Variants in NAV3 observed in about 807,000 individuals in gnomAD.
NAV3 encodes pore membrane and/or filament interacting like protein 1.
A neutral mutation model predicts 244.7 loss-of-function variants in NAV3; 87 were observed. The observed-to-expected ratio is 0.36, with a 90% CI of 0.30 to 0.42. NAV3 has a LOEUF of 0.42. Among genes scored for constraint, NAV3 ranks in the 20% least tolerant of loss-of-function variants. NAV3 has a pLI of 1.00. For missense variants in NAV3, 2,663 were observed against 2,893.3 expected (o/e 0.92, Z 1.83); for synonymous variants, 1,126 against 1,042.2 (o/e 1.08, Z -1.55).
intron 2 of NAV3, among the ~76,000 whole-genome samples, chr12:77,825,037 G>T (rs1190672601): frequency 6.6e-6 from 1 of 152,180 alleles, no homozygotes; most frequent in Non-Finnish European, 1.5e-5. Flanking sequence ...GGACTTCTTA[G>T]AAACTATGCA....
intron 9 of NAV3, chr12:78,037,300 T>C: frequency 1.4e-6 from 1 of 702,968 alleles, no homozygotes; most frequent in Non-Finnish European, 2.6e-6. Flanking sequence ...GAAAGCTGTT[T>C]GCGGGAAGGG....
chr12:77,954,598 ACT>A (rs1891195489), intron 3 of NAV3, among the ~76,000 whole-genome samples: 1 of 152,150 alleles, frequency 6.6e-6, no homozygotes, highest in African/African-American at 2.4e-5. Flanking sequence ...CTTGCTTATG[ACT>A]CTGTGTAAAC....
chr12:77,696,247 G>T (rs1483121549), intron 2 of NAV3, among the ~76,000 whole-genome samples: 1 of 152,156 alleles, frequency 6.6e-6, no homozygotes, highest in Admixed American at 6.6e-5. Context: ...TATGGCAAAG[G>T]GGACAGTATG....
At chr12:77,860,895 A>G (rs1879162501) in intron 1 of NAV3, among the ~76,000 whole-genome samples, 1 of 151,932 alleles carries the variant, frequency 6.6e-6, no homozygotes, top group Admixed American at 6.6e-5. Flanking sequence ...TATCCTTCAT[A>G]GAGTGGGCAG....
At chr12:77,703,016 T>A (rs889685139) in intron 2 of NAV3, among the ~76,000 whole-genome samples, 8 of 152,046 alleles carry the variant, frequency 5.3e-5, no homozygotes, top group South Asian at 2.1e-4. Flanking sequence ...TTTATTTTTT[T>A]AAATAATTTT....
intron 2 of NAV3, among the ~76,000 whole-genome samples, chr12:77,682,222 T>C (rs561290663): frequency 5.9e-5 from 9 of 152,318 alleles, no homozygotes; most frequent in South Asian, 2.1e-4. Flanking sequence ...TCAACTCTTT[T>C]AGATTCTACA....
At chr12:77,730,528 T>G (rs1264168607) in intron 2 of NAV3, among the ~76,000 whole-genome samples, 1 of 151,964 alleles carries the variant, frequency 6.6e-6, no homozygotes, top group Non-Finnish European at 1.5e-5. Context: ...GTATTCTAAT[T>G]TATATATCCA....
intron 12 of NAV3, chr12:78,091,500 A>T (rs1953929639): frequency 6.6e-6 from 1 of 152,238 alleles, no homozygotes. Context: ...ATCAGAGTCC[A>T]TAAAATTCAC....
At chr12:77,849,738 A>G (rs1423469578) in intron 1 of NAV3, among the ~76,000 whole-genome samples, 1 of 152,148 alleles carries the variant, frequency 6.6e-6, no homozygotes, top group Non-Finnish European at 1.5e-5. Flanking sequence ...GAAATGCTCA[A>G]TCTATATATC....
rs1425743752 is a variant in NAV3, at chr12:77,844,338, A to G, written c.243+12634A>G. 2.6e-5 allele frequency among the ~76,000 whole-genome samples: 4 copies of G among 152,126 alleles called. No homozygotes were observed. In the East Asian group the frequency reaches 5.8e-4, roughly 22 times the overall value. On this transcript the variant is annotated intron_variant, in intron 1 of 39. Transcript: ENST00000397909. The stretch of plus-strand genomic sequence containing the variant: ...TTTTATAGGGGCCTTATTCCCATCT[A>G]TGAGGGCTCCATCCTCATGACTTAA...
At chr12:77,922,806 A>G (rs2137194321) in intron 1 of NAV3, among the ~76,000 whole-genome samples, 1 of 152,280 alleles carries the variant, frequency 6.6e-6, no homozygotes, top group Non-Finnish European at 1.5e-5. Flanking sequence ...TTAGAATACC[A>G]ATGAGGTAAT....
intron 12 of NAV3, among the ~76,000 whole-genome samples, chr12:78,096,846 T>C (rs1378181743): frequency 6.6e-6 from 1 of 152,174 alleles, no homozygotes; most frequent in Admixed American, 6.5e-5. Context: ...TCTGAGCCTT[T>C]CCAGTTACTG....
intron 38 of NAV3, among the ~76,000 whole-genome samples, chr12:78,203,064 T>G (rs1387019729): frequency 6.6e-6 from 1 of 152,068 alleles, no homozygotes; most frequent in Non-Finnish European, 1.5e-5. Flanking sequence ...TTGGAAAAAA[T>G]GTTGGTGATA....
intron 1 of NAV3, among the ~76,000 whole-genome samples, chr12:77,870,420 G>A (rs1334765830): frequency 2.0e-5 from 3 of 149,942 alleles, no homozygotes; most frequent in Admixed American, 6.7e-5. Context: ...AAAATTTCAA[G>A]CAAGAATATA....
At position 78,050,754 on chromosome 12, in the gene NAV3, T is replaced by C. The variant is rs767776699; in HGVS notation, c.2133-10T>C. The C allele has an allele frequency of 5.7e-6, 9 of 1,575,180 alleles. No homozygotes were observed. In the East Asian group the frequency reaches 2.0e-4, roughly 36 times the overall value. On this transcript the variant is annotated splice_polypyrimidine_tract_variant and intron_variant, in intron 10 of 39. Coordinates refer to ENST00000397909, the MANE Select transcript of NAV3 (RefSeq NM_001024383.2). Reference sequence around the variant, plus strand: ...CCAGAGTATAGTTATTTCTCCATTTTATTTGACAGCACCCTGGAGACAACA... The same window carrying C: ...CCAGAGTATAGTTATTTCTCCATTTCATTTGACAGCACCCTGGAGACAACA...
At chr12:78,041,658 G>A (rs1352651190) in intron 9 of NAV3, among the ~76,000 whole-genome samples, 1 of 152,296 alleles carries the variant, frequency 6.6e-6, no homozygotes, top group East Asian at 1.9e-4. Context: ...GGCAGAGGCA[G>A]ATGGCCTTGT....
At chr12:77,693,029 G>A (rs1875109058) in intron 2 of NAV3, among the ~76,000 whole-genome samples, 1 of 152,072 alleles carries the variant, frequency 6.6e-6, no homozygotes, top group African/African-American at 2.4e-5. Flanking sequence ...TCCTATTAGG[G>A]AAGCAGCGTG....
At chr12:77,667,551 C>T (rs936422201) in intron 2 of NAV3, among the ~76,000 whole-genome samples, 1 of 152,088 alleles carries the variant, frequency 6.6e-6, no homozygotes, top group African/African-American at 2.4e-5. Context: ...AACATAAGTC[C>T]ATTGGCTTGG....
At chr12:77,879,973 A>T (rs1387356070) in intron 1 of NAV3, among the ~76,000 whole-genome samples, 1 of 152,138 alleles carries the variant, frequency 6.6e-6, no homozygotes, top group African/African-American at 2.4e-5. Flanking sequence ...TTCCTTATTC[A>T]TGCATAATCC....
Sources: allele counts gnomAD v4.1 joint callset (sites outside exome capture counted in the v4.1 genomes callset), GRCh38; gene constraint gnomAD v4.1.1; transcripts MANE v1.5; gene names NCBI Gene and HGNC (gene_info 2026-07-23, HGNC 2026-07-21).